Variants in UMAD1 observed in about 807,000 individuals in gnomAD.
UMAD1 encodes UBAP1-MVB12-associated (UMA)-domain containing protein 1.
Under a neutral mutation model 6.1 loss-of-function variants are expected in UMAD1, and 8 were observed. The observed-to-expected ratio is 1.30, with a 90% CI of 0.76 to 2.35. UMAD1 has a LOEUF of 2.35. Among genes scored for constraint, UMAD1 ranks in the 30% most tolerant of loss-of-function variants. The pLI, the probability that UMAD1 is intolerant of heterozygous loss-of-function variation, is 0.00. For missense variants in UMAD1, 130 were observed against 78.4 expected (o/e 1.66, Z -2.49); for synonymous variants, 56 against 31.4 (o/e 1.78, Z -2.61).
intron 2 of UMAD1, among the ~76,000 whole-genome samples, chr7:7,754,479 T>C (rs922313031): frequency 1.3e-5 from 2 of 152,200 alleles, no homozygotes; most frequent in African/African-American, 4.8e-5. Flanking sequence ...ACAGAGTTGT[T>C]TGAACTCCTT....
chr7:7,809,281 T>G (rs10259199), intron 3 of UMAD1, among the ~76,000 whole-genome samples: 1 of 151,800 alleles, frequency 6.6e-6, no homozygotes, highest in African/African-American at 2.4e-5. Context: ...TATTGTACAA[T>G]TGTAAACAAA....
intron 2 of UMAD1, among the ~76,000 whole-genome samples, chr7:7,743,140 G>A (rs562524796): frequency 1.3e-5 from 2 of 152,220 alleles, no homozygotes; most frequent in South Asian, 4.1e-4. Flanking sequence ...AATTGGTTTA[G>A]AAACAACACA....
At chr7:7,760,412 AAAT>A (rs71014709) in intron 2 of UMAD1, among the ~76,000 whole-genome samples, 22,130 of 142,518 alleles carry the variant, frequency 0.16, 1,782 homozygotes, top group African/African-American at 0.22. Flanking sequence ...AAAAAATACA[AAAT>A]AATAATAATA....
At chr7:7,664,245 AT>A (rs1779375925) in intron 1 of UMAD1, among the ~76,000 whole-genome samples, 2 of 152,010 alleles carry the variant, frequency 1.3e-5, no homozygotes, top group Non-Finnish European at 2.9e-5. Context: ...TTTCCATATC[AT>A]TTCTGTACAT....
At chr7:7,866,717 T>C (rs1334828762) in intron 3 of UMAD1, among the ~76,000 whole-genome samples, 2 of 152,054 alleles carry the variant, frequency 1.3e-5, no homozygotes, top group Admixed American at 6.6e-5. Context: ...GTACAAGAAA[T>C]TGGAGGGGTA....
chr7:7,829,283 T>C (rs1783414155), intron 3 of UMAD1, among the ~76,000 whole-genome samples: 1 of 151,952 alleles, frequency 6.6e-6, no homozygotes, highest in African/African-American at 2.4e-5. Flanking sequence ...ATACCTGCAC[T>C]GAACAGCTAG....
intron 3 of UMAD1, among the ~76,000 whole-genome samples, chr7:7,853,256 G>A (rs971453674): frequency 6.6e-6 from 1 of 152,188 alleles, no homozygotes; most frequent in Admixed American, 6.5e-5. Flanking sequence ...ATCAGAGAGT[G>A]AGTCCTCCAA....
At chr7:7,740,633 T>G (rs1168041830) in intron 2 of UMAD1, 2 of 152,200 alleles carry the variant, frequency 1.3e-5, no homozygotes, top group African/African-American at 2.4e-5. Flanking sequence ...TTAATCTGCC[T>G]TTTGCATTGC....
At chr7:7,655,618 A>G (rs114558574) in intron 1 of UMAD1, among the ~76,000 whole-genome samples, 2,291 of 152,308 alleles carry the variant, frequency 0.015, 52 homozygotes, top group African/African-American at 0.053. Context: ...GAAAGCATCT[A>G]TAAGGTTATA....
chr7:7,819,000 C>T (rs990018325), intron 3 of UMAD1, among the ~76,000 whole-genome samples: 6 of 152,136 alleles, frequency 3.9e-5, no homozygotes, highest in African/African-American at 1.4e-4. Flanking sequence ...CAGATGCATG[C>T]CACAACACCC....
chr7:7,820,909 A>G (rs1397661030), intron 3 of UMAD1, among the ~76,000 whole-genome samples: 1 of 152,198 alleles, frequency 6.6e-6, no homozygotes, highest in African/African-American at 2.4e-5. Context: ...TGATAATTAG[A>G]TCCTCAGAGA....
chr7:7,862,385 T>A (rs768142991), intron 3 of UMAD1, among the ~76,000 whole-genome samples: 1 of 152,218 alleles, frequency 6.6e-6, no homozygotes, highest in Non-Finnish European at 1.5e-5. Context: ...ATGGGCAAGA[T>A]CATTTCTCAT....
intron 1 of UMAD1, among the ~76,000 whole-genome samples, chr7:7,670,022 C>T (rs891928345): frequency 6.6e-6 from 1 of 152,184 alleles, no homozygotes; most frequent in Non-Finnish European, 1.5e-5. Flanking sequence ...ATGTAACAGA[C>T]TGCTGCAGCC....
intron 2 of UMAD1, among the ~76,000 whole-genome samples, chr7:7,735,073 A>G (rs999581129): frequency 2.3e-5 from 3 of 128,592 alleles, no homozygotes; most frequent in Non-Finnish European, 5.0e-5. Flanking sequence ...CCAATAGTGT[A>G]AAAAAAATTT....
intron 2 of UMAD1, among the ~76,000 whole-genome samples, chr7:7,785,007 G>T (rs552885178): frequency 2.6e-5 from 4 of 152,258 alleles, no homozygotes; most frequent in East Asian, 3.9e-4. Context: ...TCTGAACTGT[G>T]TTGGAGATTT....
rs534200326 is a variant in UMAD1, at chr7:7,876,862, A to G, written c.157-419A>G. 2.6e-5 allele frequency among the ~76,000 whole-genome samples: 4 copies of G among 152,330 alleles called. No individual in the cohort carries two copies. In the East Asian group the frequency reaches 7.7e-4, roughly 29 times the overall value. On this transcript the variant is annotated intron_variant, in intron 3 of 3. Coordinates refer to ENST00000682710, the MANE Select transcript of UMAD1 (RefSeq NM_001302348.2). ...ACACATATAGGCAACACCAAATAAC[A>G]TCTTAGGCAATTTGCCCCATAAGCA...
intron 3 of UMAD1, among the ~76,000 whole-genome samples, chr7:7,847,036 C>T (rs1783797601): frequency 9.4e-6 from 1 of 106,244 alleles, no homozygotes; most frequent in East Asian, 3.0e-4. Flanking sequence ...TGCACATGTA[C>T]CCTAAAACTT....
intron 3 of UMAD1, among the ~76,000 whole-genome samples, chr7:7,847,097 AAAAAAAAAT>A (rs1563255508): frequency 6.1e-5 from 3 of 48,856 alleles, no homozygotes; most frequent in African/African-American, 1.5e-4. Context: ...CAAAAAAAAA[AAAAAAAAAT>A]ATATATATAT....
chr7:7,667,349 A>C (rs752038341), intron 1 of UMAD1, among the ~76,000 whole-genome samples: 5 of 152,130 alleles, frequency 3.3e-5, no homozygotes, highest in Non-Finnish European at 5.9e-5. Flanking sequence ...ATTCTTGGGA[A>C]CTCCAGGCGG....
Sources: allele counts gnomAD v4.1 joint callset (sites outside exome capture counted in the v4.1 genomes callset), GRCh38; gene constraint gnomAD v4.1.1; transcripts MANE v1.5; gene names NCBI Gene and HGNC (gene_info 2026-07-23, HGNC 2026-07-21).